DAB1: variants seen among roughly 807,000 people sequenced by gnomAD.
The protein encoded by DAB1 is disabled homolog 1.
A neutral mutation model predicts 64.6 loss-of-function variants in DAB1; 15 were observed. That is an observed-to-expected ratio of 0.23 (90% CI 0.16 to 0.36). DAB1 has a LOEUF of 0.36. DAB1 is among the 10% of genes least tolerant of loss of function. The probability of loss-of-function intolerance (pLI) is 1.00; values close to 1 mark genes in which losing one functional copy is unlikely to be tolerated. For missense variants in DAB1, 596 were observed against 706.7 expected (o/e 0.84, Z 1.78); for synonymous variants, 235 against 251.9 (o/e 0.93, Z 0.64).
chr1:57,550,714 C>T (rs1176966448), intron 7 of DAB1, among the ~76,000 whole-genome samples: 1 of 152,134 alleles, frequency 6.6e-6, no homozygotes, highest in Non-Finnish European at 1.5e-5. Flanking sequence ...CTTCTGAATT[C>T]CCTGAGTGCG....
intron 5 of DAB1, among the ~76,000 whole-genome samples, chr1:58,120,647 C>G (rs979462002): frequency 6.6e-6 from 1 of 152,150 alleles, no homozygotes; most frequent in African/African-American, 2.4e-5. Flanking sequence ...CACTAAAAGA[C>G]TATGGCATTT....
At chr1:58,539,898 G>A (rs1646577915) in intron 1 of DAB1, among the ~76,000 whole-genome samples, 1 of 152,152 alleles carries the variant, frequency 6.6e-6, no homozygotes, top group Non-Finnish European at 1.5e-5. Context: ...GGTTGCTAGA[G>A]CTCACAGGAC....
At chr1:57,484,564 G>A (rs996136849) in intron 7 of DAB1, among the ~76,000 whole-genome samples, 1 of 152,204 alleles carries the variant, frequency 6.6e-6, no homozygotes, top group Admixed American at 6.5e-5. Flanking sequence ...AGACCAGGGA[G>A]GAGCTTGCTT....
Position 58,391,912 on chromosome 1 carries a change from G to A in DAB1, n.258-48509C>T, listed in dbSNP as rs79743779. ...ATTTTATAACTGTAGTAGAAACTGG[G>A]TAAGTAAGCACCCCAACAGGGAGAT... is the stretch of plus-strand genomic sequence containing the variant. On this transcript the variant is annotated intron_variant and non_coding_transcript_variant, in intron 3 of 20. Transcript: ENST00000485760. Among the ~76,000 whole-genome samples the A allele has an allele frequency of 5.3e-5, 8 of 152,182 alleles. No homozygotes were observed. The East Asian group carries it at 1.3e-3, about 26-fold the overall frequency.
intron 5 of DAB1, among the ~76,000 whole-genome samples, chr1:58,082,673 C>T (rs546096805): frequency 6.6e-6 from 1 of 151,838 alleles, no homozygotes; most frequent in South Asian, 2.1e-4. Context: ...GTGGGGAGAT[C>T]GTCAAAGGAA....
chr1:57,467,308 G>T (rs1479314647), intron 7 of DAB1, among the ~76,000 whole-genome samples: 2 of 152,160 alleles, frequency 1.3e-5, no homozygotes, highest in African/African-American at 4.8e-5. Context: ...CTTATACAAT[G>T]CTTAATATAT....
intron 6 of DAB1, among the ~76,000 whole-genome samples, chr1:57,668,553 G>C (rs1201146923): frequency 1.3e-5 from 2 of 152,116 alleles, no homozygotes; most frequent in Non-Finnish European, 2.9e-5. Flanking sequence ...AATCTTAAGT[G>C]GGGGAGTGAG....
At chr1:57,577,306 T>C (rs1272496070) in intron 7 of DAB1, among the ~76,000 whole-genome samples, 1 of 152,114 alleles carries the variant, frequency 6.6e-6, no homozygotes, top group Non-Finnish European at 1.5e-5. Flanking sequence ...TCCCATTTTA[T>C]AGATAAAGAC....
At chr1:57,884,300 A>C (rs1167586302), upstream of DAB1, 1 of 152,268 alleles carries the variant, frequency 6.6e-6, no homozygotes, top group African/African-American at 2.4e-5. Flanking sequence ...TGGTACATGT[A>C]GGGTAGGTGG....
At chr1:57,156,849 C>T (rs1660270026) in intron 2 of DAB1, among the ~76,000 whole-genome samples, 2 of 152,126 alleles carry the variant, frequency 1.3e-5, no homozygotes, top group African/African-American at 2.4e-5. Context: ...GAGTAAATTC[C>T]CCATTTTCCA....
At chr1:57,197,869 C>T (rs1050208011) in intron 2 of DAB1, among the ~76,000 whole-genome samples, 68 of 152,082 alleles carry the variant, frequency 4.5e-4, no homozygotes, top group Non-Finnish European at 5.6e-4. Context: ...ATAGGAAATG[C>T]TTTGGAAGGC....
At chr1:57,092,122 A>G (rs17114978) in intron 4 of DAB1, among the ~76,000 whole-genome samples, 2,043 of 152,358 alleles carry the variant, frequency 0.013, 33 homozygotes, top group Admixed American at 0.053. Flanking sequence ...CCATGCCGTT[A>G]GAAAGACACC....
At chr1:58,433,596 A>AGTGT (rs71580866) in intron 3 of DAB1, among the ~76,000 whole-genome samples, 121 of 79,846 alleles carry the variant, frequency 1.5e-3, no homozygotes, top group East Asian at 0.013. Flanking sequence ...AGAGAGAGAG[A>AGTGT]GTGTGTGTGT....
intron 3 of DAB1, among the ~76,000 whole-genome samples, chr1:58,421,775 T>C (rs1485808890): frequency 6.6e-6 from 1 of 152,172 alleles, no homozygotes; most frequent in Non-Finnish European, 1.5e-5. Context: ...CATGCTTAAC[T>C]TGCAGAAGAG....
At chr1:58,226,491 G>A (rs1282012023) in intron 4 of DAB1, among the ~76,000 whole-genome samples, 1 of 151,978 alleles carries the variant, frequency 6.6e-6, no homozygotes, top group Non-Finnish European at 1.5e-5. Context: ...AGGAAGCCAA[G>A]TCTTGGGTTC....
chr1:57,561,003 T>C (rs907469652), intron 7 of DAB1, among the ~76,000 whole-genome samples: 2 of 152,194 alleles, frequency 1.3e-5, no homozygotes, highest in African/African-American at 4.8e-5. Flanking sequence ...AAGTGGGTCA[T>C]GCACAGCAGC....
rs549945888 is a variant in DAB1, at chr1:57,842,053, T to C, written n.88-15598A>G. Among the ~76,000 whole-genome samples the C allele has an allele frequency of 3.9e-5, 6 of 152,330 alleles. No individual in the cohort carries two copies. In the East Asian group the frequency reaches 9.6e-4, roughly 24 times the overall value. On this transcript the variant is annotated intron_variant and non_coding_transcript_variant, in intron 1 of 1. Transcript: ENST00000477280. ...TTCTTTGTGAACACATATGGGTGTG[T>C]GCTGTTAAGAGCACCTAAGCTACAT...
chr1:57,387,292 C>T (rs896601368), intron 1 of DAB1: 1 of 152,114 alleles, frequency 6.6e-6, no homozygotes, highest in African/African-American at 2.4e-5. Flanking sequence ...CCCTAATAAC[C>T]CATAGCTAGG....
chr1:58,327,270 AT>A (rs1164873647), intron 4 of DAB1, among the ~76,000 whole-genome samples: 3 of 152,186 alleles, frequency 2.0e-5, no homozygotes, highest in Non-Finnish European at 4.4e-5. Flanking sequence ...AATAAATAGA[AT>A]ATGGGGGAAA....
Sources: gnomAD v4.1 joint callset for allele counts (sites outside exome capture counted in the v4.1 genomes callset) on GRCh38, gnomAD v4.1.1 for gene constraint, MANE v1.5 for transcripts, NCBI Gene and HGNC (gene_info 2026-07-23, HGNC 2026-07-21) for gene names.